Variants in MAPK14 observed in about 807,000 individuals in gnomAD.
MAPK14 encodes the protein CSAID-binding protein.
MAPK14 carries 16 observed loss-of-function variants against 49.6 expected under a neutral mutation model. The observed-to-expected ratio is 0.32, with a 90% CI of 0.22 to 0.49. The LOEUF is 0.49. MAPK14 is among the 20% of genes least tolerant of loss of function. The probability of loss-of-function intolerance (pLI) is 0.99; values close to 1 mark genes in which losing one functional copy is unlikely to be tolerated. For synonymous variants in MAPK14, 142 were observed against 158.0 expected (o/e 0.90, Z 0.76); for missense variants, 200 against 441.2 (o/e 0.45, Z 4.90).
chr6:36,089,573 T>C lies in MAPK14; in HGVS notation c.683-6414T>C, dbSNP rs181956744. ...TTTAAAAAAATATAAGAAATACTCA[T>C]TTTTGTCTTAAAGCCAATAATGTGT... On this transcript the variant is annotated intron_variant, in intron 8 of 11. Transcript: ENST00000229794. Among the ~76,000 whole-genome samples the C allele has an allele frequency of 6.8e-4, 104 of 152,352 alleles. No individual in the cohort carries two copies. The East Asian group carries it at 0.018, about 26-fold the overall frequency.
At chr6:36,090,305 C>T (rs1765167508) in intron 8 of MAPK14, among the ~76,000 whole-genome samples, 1 of 152,018 alleles carries the variant, frequency 6.6e-6, no homozygotes, top group East Asian at 1.9e-4. Context: ...CCATCACTTT[C>T]AGTCATTGGT....
intron 8 of MAPK14, among the ~76,000 whole-genome samples, chr6:36,087,526 T>C (rs1400695637): frequency 6.6e-6 from 1 of 152,116 alleles, no homozygotes; most frequent in Admixed American, 6.6e-5. Flanking sequence ...TGAACTCTTA[T>C]TCACAACTGC....
chr6:36,085,654 C>G (rs1041035346), intron 8 of MAPK14, among the ~76,000 whole-genome samples: 6 of 146,656 alleles, frequency 4.1e-5, no homozygotes, highest in African/African-American at 1.3e-4. Flanking sequence ...ACAGGAGCAC[C>G]CAGATTTATA....
Position 36,109,712 on chromosome 6 carries a change from A to G in MAPK14, c.*1265A>G, listed in dbSNP as rs995276043. ...CCAGGGCTTTTCCCAGGAATATCCC[A>G]AACTTCGGAAACAAGTTATTCTCTT... On this transcript the variant is annotated 3_prime_UTR_variant, in exon 12 of 12. Transcript: ENST00000229794. 6 of 152,660 alleles carry G rather than the reference A, an allele frequency of 3.9e-5. No homozygotes were observed. The highest frequency in any genetic ancestry group is 1.4e-4 in the African/African-American group (6 of 41,460). 9.5% of individuals were successfully genotyped at this position (152,660 alleles called of 1,614,324 possible).
intron 1 of MAPK14, among the ~76,000 whole-genome samples, chr6:36,050,338 A>G (rs932638928): frequency 6.6e-6 from 1 of 152,238 alleles, no homozygotes; most frequent in Non-Finnish European, 1.5e-5. Flanking sequence ...TGAGGTTAAC[A>G]AATTGTTGTA....
intron 1 of MAPK14, among the ~76,000 whole-genome samples, chr6:36,046,812 C>T (rs1035439709): frequency 3.9e-5 from 6 of 152,182 alleles, no homozygotes; most frequent in African/African-American, 7.2e-5. Flanking sequence ...GTGCCTTGGG[C>T]GGGCAACTCA....
Position 36,094,422 on chromosome 6 carries a change from T to TTCTA in MAPK14, c.683-1564_683-1561dup, listed in dbSNP as rs1270502118. Among the ~76,000 whole-genome samples the TTCTA allele has an allele frequency of 4.6e-5, 7 of 152,330 alleles. No individual in the cohort carries two copies. In the East Asian group the frequency reaches 1.3e-3, roughly 29 times the overall value. Reference sequence around the variant, plus strand: ...ACATAAATGAATGGGCATGGCTGTGTTCTAATAAAACTTTATATATAAAAC... The same window carrying TTCTA: ...ACATAAATGAATGGGCATGGCTGTGTTCTATCTAATAAAACTTTATATATAAAAC... On this transcript the variant is annotated intron_variant, in intron 8 of 11. Transcript: ENST00000229794.
chr6:36,048,689 C>T (rs1485737741), intron 1 of MAPK14, among the ~76,000 whole-genome samples: 3 of 152,104 alleles, frequency 2.0e-5, no homozygotes, highest in South Asian at 4.1e-4. Context: ...ATGTCTAGCT[C>T]GAGCAACTGG....
At chr6:36,112,529 A>G (rs548833541), downstream of MAPK14, among the ~76,000 whole-genome samples, 2 of 152,218 alleles carry the variant, frequency 1.3e-5, no homozygotes, top group Non-Finnish European at 2.9e-5. Flanking sequence ...AGTGAAACTG[A>G]TTTTGTATCT....
At chr6:36,037,320 A>G (rs1762791258) in intron 1 of MAPK14, among the ~76,000 whole-genome samples, 1 of 152,188 alleles carries the variant, frequency 6.6e-6, no homozygotes, top group Admixed American at 6.5e-5. Context: ...ATAATTTATT[A>G]TAGGGAAGAA....
At chr6:36,072,151 A>G (rs1764324869) in intron 3 of MAPK14, among the ~76,000 whole-genome samples, 1 of 152,176 alleles carries the variant, frequency 6.6e-6, no homozygotes, top group Non-Finnish European at 1.5e-5. Flanking sequence ...CCTGAGCAAC[A>G]TAGTGAGACC....
intron 6 of MAPK14, 131 bp from the exon 7 acceptor site, chr6:36,075,717 T>G (rs1764504434): frequency 8.5e-7 from 1 of 1,182,446 alleles, no homozygotes; most frequent in African/African-American, 1.5e-5. Flanking sequence ...AGGAAATCTC[T>G]TTATGAAAGT....
At chr6:36,030,396 G>A (rs1163413874) in intron 1 of MAPK14, among the ~76,000 whole-genome samples, 9 of 152,204 alleles carry the variant, frequency 5.9e-5, no homozygotes, top group African/African-American at 1.9e-4. Context: ...TTTTACAAAG[G>A]TACTCAGTGG....
At chr6:36,063,196 A>G (rs764327967) in intron 3 of MAPK14, among the ~76,000 whole-genome samples, 3 of 152,168 alleles carry the variant, frequency 2.0e-5, no homozygotes, top group Non-Finnish European at 2.9e-5. Flanking sequence ...ACAAACCTGC[A>G]TGGCATGTTA....
intron 8 of MAPK14, among the ~76,000 whole-genome samples, chr6:36,083,273 G>C (rs974783844): frequency 6.6e-6 from 1 of 152,228 alleles, no homozygotes; most frequent in Non-Finnish European, 1.5e-5. Context: ...CAAGCCAAGG[G>C]AGGTGGTGAG....
chr6:36,088,917 G>T (rs1358639180), intron 8 of MAPK14, among the ~76,000 whole-genome samples: 1 of 152,170 alleles, frequency 6.6e-6, no homozygotes, highest in Non-Finnish European at 1.5e-5. Context: ...ACAGATGCTG[G>T]TGAGGCTATG....
At position 36,028,114 on chromosome 6, in the gene MAPK14, G is replaced by T; in HGVS notation, c.-44G>T. 7.2e-7 allele frequency: 1 copy of T among 1,389,958 alleles called. No individual in the cohort carries two copies. Among genetic ancestry groups the T allele is most frequent in the Non-Finnish European group, 1.0e-6 (1 of 989,630 alleles). 86.1% of individuals were successfully genotyped at this position (1,389,958 alleles called of 1,614,324 possible). Reference sequence around the variant, plus strand: ...GGGAGAGGGTGCGGGTGCAGGCGGGGGCCCCACAGGGCCACCTTCTTGCCC... The same window carrying T: ...GGGAGAGGGTGCGGGTGCAGGCGGGTGCCCCACAGGGCCACCTTCTTGCCC... On this transcript the variant is annotated 5_prime_UTR_variant, in exon 1 of 12. Coordinates refer to ENST00000229794, the MANE Select transcript of MAPK14 (RefSeq NM_139012.3). The surrounding 1 kb of genome is among the most constrained non-coding windows in gnomAD (Gnocchi z 5.1).
At chr6:36,074,128 T>G in intron 6 of MAPK14, 32 bp downstream of exon 6, 4 of 1,585,658 alleles carry the variant, frequency 2.5e-6, no homozygotes, top group Non-Finnish European at 3.5e-6. Context: ...CATTGTTTGC[T>G]TTACTTTGAG....
At chr6:36,096,162 A>ACC in intron 9 of MAPK14, 96 bp downstream of exon 9, 1 of 837,162 alleles carries the variant, frequency 1.2e-6, no homozygotes, top group Non-Finnish European at 2.0e-6. Flanking sequence ...TTGTAAGCAC[A>ACC]CATGCCCTTT....
Sources: allele counts gnomAD v4.1 joint callset (sites outside exome capture counted in the v4.1 genomes callset), GRCh38; gene constraint gnomAD v4.1.1; non-coding constraint Gnocchi (gnomAD v3.1); transcripts MANE v1.5; gene names NCBI Gene and HGNC (gene_info 2026-07-23, HGNC 2026-07-21).